The following IL1RAPL1 variants were observed in gnomAD, a reference collection of about 807,000 sequenced individuals.
IL1RAPL1 encodes interleukin-1 receptor accessory protein-like 1.
In IL1RAPL1, 3 loss-of-function variants were observed where a neutral mutation model predicts 48.4. The observed-to-expected ratio is 0.06, with a 90% CI of 0.03 to 0.16. IL1RAPL1 has a LOEUF of 0.16. Among genes scored for constraint, IL1RAPL1 ranks in the 10% least tolerant of loss-of-function variants. IL1RAPL1 has a pLI of 1.00. For synonymous variants in IL1RAPL1, 185 were observed against 187.7 expected, an observed-to-expected ratio of 0.99 and a Z score of 0.12; for missense variants, 349 against 530.6, an observed-to-expected ratio of 0.66 and a Z score of 3.36.
At chrX:29,902,657 A>C (rs7066072) in intron 6 of IL1RAPL1, among the ~76,000 whole-genome samples, 14,052 of 109,930 alleles carry the variant, frequency 0.13, 852 homozygotes, top group African/African-American at 0.22. Context: ...ACTACTACTA[A>C]TAATAATAAT....
intron 5 of IL1RAPL1, among the ~76,000 whole-genome samples, chrX:29,488,214 C>T (rs1229680753): frequency 1.8e-5 from 2 of 111,530 alleles, no homozygotes; most frequent in Non-Finnish European, 3.8e-5. Flanking sequence ...CTGAGGCGGG[C>T]GGATCATGAG....
At chrX:29,954,238 A>C (rs1354828439) in intron 9 of IL1RAPL1, among the ~76,000 whole-genome samples, 17 of 75,225 alleles carry the variant, frequency 2.3e-4, no homozygotes, top group African/African-American at 7.2e-4. Context: ...TGTGTCCCAA[A>C]AAAAAAAAAA....
At chrX:29,061,693 A>G (rs1045129696) in intron 2 of IL1RAPL1, among the ~76,000 whole-genome samples, 9 of 112,277 alleles carry the variant, frequency 8.0e-5, no homozygotes, top group Non-Finnish European at 1.1e-4. Context: ...TCCTGACCTC[A>G]GGTCATCCGC....
chrX:28,832,402 A>G (rs1921084937), intron 2 of IL1RAPL1, among the ~76,000 whole-genome samples: 1 of 111,504 alleles, frequency 9.0e-6, no homozygotes, highest in Non-Finnish European at 1.9e-5. Flanking sequence ...TCTACTCAAT[A>G]CTTTTTAATA....
At chrX:28,616,183 A>G (rs2146886010) in intron 1 of IL1RAPL1, among the ~76,000 whole-genome samples, 1 of 112,257 alleles carries the variant, frequency 8.9e-6, no homozygotes, top group Admixed American at 9.4e-5. Context: ...GACAGATTAC[A>G]TTTGTAGTTT....
chrX:29,262,678 A>T (rs1931881275), intron 2 of IL1RAPL1, among the ~76,000 whole-genome samples: 2 of 110,732 alleles, frequency 1.8e-5, no homozygotes, highest in African/African-American at 6.5e-5. Flanking sequence ...AAAAAAAAAA[A>T]GTTGCTAATA....
intron 2 of IL1RAPL1, among the ~76,000 whole-genome samples, chrX:29,143,993 A>G (rs946288901): frequency 2.2e-4 from 24 of 111,581 alleles, no homozygotes; most frequent in East Asian, 2.9e-4. Flanking sequence ...AATTAATCCA[A>G]TTGTGGCCAA....
chrX:28,986,096 A>C (rs776666088), intron 2 of IL1RAPL1, among the ~76,000 whole-genome samples: 1 of 112,221 alleles, frequency 8.9e-6, no homozygotes, highest in East Asian at 2.8e-4. Context: ...GGTGGCTGTA[A>C]ATGCATTAGA....
At chrX:29,444,987 T>C (rs1216731837) in intron 5 of IL1RAPL1, among the ~76,000 whole-genome samples, 1 of 112,149 alleles carries the variant, frequency 8.9e-6, no homozygotes, top group Non-Finnish European at 1.9e-5. Flanking sequence ...GTTGGAAAAA[T>C]GGGAATTTAT....
At chrX:29,265,135 AC>A (rs1931929699) in intron 2 of IL1RAPL1, among the ~76,000 whole-genome samples, 1 of 110,127 alleles carries the variant, frequency 9.1e-6, no homozygotes. Flanking sequence ...CTGGTCTCGA[AC>A]TCCTGGCCTC....
intron 6 of IL1RAPL1, among the ~76,000 whole-genome samples, chrX:29,688,017 A>T (rs1926675475): frequency 8.9e-6 from 1 of 111,876 alleles, no homozygotes; most frequent in East Asian, 2.8e-4. Context: ...CTTGTATGAC[A>T]GGACACTACA....
chrX:29,306,943 A>G (rs1329758910), intron 3 of IL1RAPL1, among the ~76,000 whole-genome samples: 2 of 110,501 alleles, frequency 1.8e-5, no homozygotes, highest in East Asian at 2.8e-4. Flanking sequence ...AAATCCTTCA[A>G]TGATTTTTCA....
rs915520401 is a variant in IL1RAPL1 at position 29,537,192 on chromosome X, A to G, written c.704-131238A>G. Among the ~76,000 whole-genome samples the G allele has an allele frequency of 8.1e-5, 9 of 111,345 alleles. No homozygotes were observed. The East Asian group carries it at 2.5e-3, about 31-fold the overall frequency. On this transcript the variant is annotated intron_variant, in intron 5 of 10. Coordinates refer to ENST00000378993, the MANE Select transcript of IL1RAPL1 (RefSeq NM_014271.4). ...CAAACTTTACCTGTGCGAGTACAGAATAAAGACATATTTGGATATGCAGAA... is the reference window on the plus strand; with the variant it reads ...CAAACTTTACCTGTGCGAGTACAGAGTAAAGACATATTTGGATATGCAGAA...
intron 5 of IL1RAPL1, among the ~76,000 whole-genome samples, chrX:29,474,940 G>A (rs1301356932): frequency 1.8e-5 from 2 of 111,629 alleles, no homozygotes; most frequent in African/African-American, 3.3e-5. Flanking sequence ...ACTAGAAGTA[G>A]TAATATATGT....
chrX:29,612,328 A>G (rs747302167), intron 5 of IL1RAPL1, among the ~76,000 whole-genome samples: 2 of 110,847 alleles, frequency 1.8e-5, no homozygotes, highest in South Asian at 3.9e-4. Context: ...CATTTGCAAA[A>G]TGACACACAA....
At chrX:28,792,698 G>C (rs1377902116) in intron 2 of IL1RAPL1, among the ~76,000 whole-genome samples, 6 of 94,072 alleles carry the variant, frequency 6.4e-5, no homozygotes, top group Non-Finnish European at 1.2e-4. Context: ...TGAGGCAGGA[G>C]AATGGCGTGA....
chrX:29,674,497 G>A (rs2147102453), intron 6 of IL1RAPL1, among the ~76,000 whole-genome samples: 1 of 111,889 alleles, frequency 8.9e-6, no homozygotes, highest in Non-Finnish European at 1.9e-5. Context: ...TAAAAAAGAT[G>A]GACGTGAAGG....
chrX:28,902,657 A>G (rs934567842), intron 2 of IL1RAPL1, among the ~76,000 whole-genome samples: 45 of 111,929 alleles, frequency 4.0e-4, no homozygotes, highest in African/African-American at 1.3e-3. Context: ...AAGGGAAAAA[A>G]TGAGGACAGG....
At chrX:29,373,753 C>A (rs1039863513) in intron 3 of IL1RAPL1, among the ~76,000 whole-genome samples, 2 of 108,469 alleles carry the variant, frequency 1.8e-5, no homozygotes, top group African/African-American at 6.7e-5. Context: ...TTTTGAACCA[C>A]CTTGCATCCC....
Sources: gnomAD v4.1 joint callset for allele counts (sites outside exome capture counted in the v4.1 genomes callset) on GRCh38, gnomAD v4.1.1 for gene constraint, MANE v1.5 for transcripts, NCBI Gene and HGNC (gene_info 2026-07-23, HGNC 2026-07-21) for gene names.